Variants in SMAP2 observed in about 807,000 individuals in gnomAD.
SMAP2 encodes the protein small ArfGAP2.
A neutral mutation model predicts 56.4 loss-of-function variants in SMAP2; 25 were observed. The ratio of observed to expected loss-of-function variants is 0.44; its 90% confidence interval spans 0.32 to 0.62. SMAP2 has a LOEUF of 0.62. Among genes scored for constraint, SMAP2 ranks in the 20% least tolerant of loss-of-function variants. SMAP2 has a pLI of 0.04. For synonymous variants in SMAP2, 157 were observed against 181.7 expected (o/e 0.86, Z 1.09); for missense variants, 388 against 545.6 (o/e 0.71, Z 2.88).
Position 40,374,370 on chromosome 1 carries a change from G to A in SMAP2, c.103+147G>A, listed in dbSNP as rs556365612. 5 of 730,192 alleles carry A rather than the reference G, an allele frequency of 6.8e-6. No homozygotes were observed. The Admixed American group carries it at 1.1e-4, about 16-fold the overall frequency. 45.2% of individuals were successfully genotyped at this position (730,192 alleles called of 1,614,324 possible). A position where few individuals can be genotyped will look rare whatever the true frequency, so the allele number is the denominator to read the frequency against. ...GCTGCGCTTGCAGTGAGCCTACTGG[G>A]CTTTCTGCAGCTGGGGGATTGGTAT... On this transcript the variant is annotated intron_variant, in intron 1 of 9. Coordinates refer to ENST00000372718, the MANE Select transcript of SMAP2 (RefSeq NM_022733.3). The surrounding 1 kb of genome is among the most constrained non-coding windows in gnomAD (Gnocchi z 5.9).
chr1:40,358,369 A>C lies in SMAP2; in HGVS notation c.-82-3931A>C, dbSNP rs371494536. 9.2e-5 allele frequency among the ~76,000 whole-genome samples: 14 copies of C among 152,182 alleles called. 1 individual carries two copies. Among genetic ancestry groups the C allele is most frequent in the East Asian group, 5.8e-4 (3 of 5,168 alleles). ...ACCAGCCTGGCCAACGTGGTGAAACACTGTCTCTGCTAAAAATACAAAAAA... is the reference window on the plus strand; with the variant it reads ...ACCAGCCTGGCCAACGTGGTGAAACCCTGTCTCTGCTAAAAATACAAAAAA... On this transcript the variant is annotated intron_variant, in intron 1 of 6. Coordinates refer to the SMAP2 transcript ENST00000435168.
At chr1:40,413,144 A>G (rs1461318073) in intron 5 of SMAP2, 42 bp downstream of exon 5, 5 of 1,470,588 alleles carry the variant, frequency 3.4e-6, no homozygotes, top group East Asian at 2.3e-5. Flanking sequence ...AGCCTCAGGT[A>G]TGTGTATATT....
chr1:40,393,814 G>A (rs1644742201), intron 1 of SMAP2, among the ~76,000 whole-genome samples: 1 of 152,078 alleles, frequency 6.6e-6, no homozygotes, highest in Non-Finnish European at 1.5e-5. Flanking sequence ...CCAAAGTGCT[G>A]GGATTAAGGC....
intron 1 of SMAP2, among the ~76,000 whole-genome samples, chr1:40,354,169 C>T (rs773192707): frequency 6.6e-6 from 1 of 151,976 alleles, no homozygotes; most frequent in East Asian, 1.9e-4. Flanking sequence ...TCTGAACTTA[C>T]AGAGAGCTGG....
At chr1:40,394,807 T>A (rs887343677) in intron 1 of SMAP2, among the ~76,000 whole-genome samples, 2 of 152,196 alleles carry the variant, frequency 1.3e-5, no homozygotes, top group African/African-American at 4.8e-5. Context: ...TTTTGATATA[T>A]GTGTACATTG....
In SMAP2 at chr1:40,408,254, C is replaced by T. The variant is rs934117115; in HGVS notation, c.238-399C>T. On this transcript the variant is annotated intron_variant, in intron 2 of 9. Transcript: ENST00000372718. This position sits in a 1 kb window ranked among gnomAD's most constrained non-coding sequence, Gnocchi z 4.3. ...AGTGTTAAGGAGTCTACTTAAAAGC[C>T]TAATGGGAAACACATTTATTGGAAT... Among the ~76,000 whole-genome samples the T allele has an allele frequency of 6.6e-6, 1 of 152,116 alleles. No individual in the cohort carries two copies. Among genetic ancestry groups the T allele is most frequent in the African/African-American group, 2.4e-5 (1 of 41,408 alleles).
At chr1:40,403,884 A>C (rs553917717) in intron 1 of SMAP2, 4 of 153,698 alleles carry the variant, frequency 2.6e-5, no homozygotes, top group African/African-American at 9.6e-5. Flanking sequence ...GGATTCCTTG[A>C]GGCCAGGAGT....
At chr1:40,410,324 C>T (rs578036614) in intron 4 of SMAP2, among the ~76,000 whole-genome samples, 6 of 151,878 alleles carry the variant, frequency 4.0e-5, no homozygotes, top group African/African-American at 7.3e-5. Flanking sequence ...TTCTGCCTAT[C>T]GGTGAATTCT....
chr1:40,359,344 C>T (rs1401827209), intron 1 of SMAP2, among the ~76,000 whole-genome samples: 2 of 152,194 alleles, frequency 1.3e-5, no homozygotes, highest in South Asian at 2.1e-4. Context: ...CTCAGGTGAC[C>T]CACCCACCTT....
At chr1:40,347,853 A>ATG (rs376374856) in intron 1 of SMAP2, among the ~76,000 whole-genome samples, 31 of 151,530 alleles carry the variant, frequency 2.0e-4, no homozygotes, top group East Asian at 1.2e-3. Flanking sequence ...CATACATTAA[A>ATG]TGTGTGTGTG....
chr1:40,366,036 C>G (rs958346635), intron 2 of SMAP2, among the ~76,000 whole-genome samples: 1 of 146,874 alleles, frequency 6.8e-6, no homozygotes, highest in Non-Finnish European at 1.5e-5. Context: ...AACCAAGGCT[C>G]GAGAACTACG....
intron 1 of SMAP2, among the ~76,000 whole-genome samples, chr1:40,387,720 G>A (rs955859751): frequency 2.6e-5 from 4 of 152,170 alleles, no homozygotes; most frequent in Non-Finnish European, 4.4e-5. Flanking sequence ...GCTCGCTCTC[G>A]GTGCCTCCTC....
intron 9 of SMAP2, 94 bp downstream of exon 9, chr1:40,417,190 A>ATG (rs1234518118): frequency 9.7e-6 from 8 of 826,000 alleles, no homozygotes; most frequent in African/African-American, 1.8e-5. Flanking sequence ...AATCCTTTCC[A>ATG]TGTAGATGAG....
At chr1:40,405,684 A>G (rs1644878822) in intron 1 of SMAP2, among the ~76,000 whole-genome samples, 2 of 152,154 alleles carry the variant, frequency 1.3e-5, no homozygotes, top group Admixed American at 6.5e-5. Context: ...AATTTCTGCC[A>G]AGTGGGATAA....
chr1:40,393,945 C>T (rs1173898011), intron 1 of SMAP2, among the ~76,000 whole-genome samples: 1 of 152,124 alleles, frequency 6.6e-6, no homozygotes, highest in African/African-American at 2.4e-5. Context: ...TTCTGATTCA[C>T]CCTTTTTTCC....
intron 2 of SMAP2, among the ~76,000 whole-genome samples, chr1:40,407,317 C>T (rs577091029): frequency 3.9e-5 from 6 of 152,124 alleles, no homozygotes; most frequent in Admixed American, 2.0e-4. Context: ...AGACACCTGT[C>T]TCTACAAAAT....
rs566017456 is a variant in SMAP2 at position 40,422,050 on chromosome 1, C to T, written c.1239C>T (p.Gly413=). The T allele has an allele frequency of 2.0e-5, 32 of 1,614,066 alleles. No homozygotes were observed. In the African/African-American group the frequency reaches 2.1e-4, roughly 11 times the overall value. ...TGAACTATGGACAGTCAATGAGTGG[C>T]GGAAATGGACAGGCAGCAAATCAGA... The part of the protein sequence containing the change: ...GMMNYGQSMS[G]GNGQAANQTL... Residue 413 remains glycine (G), a synonymous_variant, in exon 10 of 10, where the codon GGC becomes GGT. Coordinates refer to ENST00000372718, the MANE Select transcript of SMAP2 (RefSeq NM_022733.3).
chr1:40,362,338 A>G (rs1569824766), exon 2 of SMAP2: 1 of 152,342 alleles, frequency 6.6e-6, no homozygotes, highest in African/African-American at 2.4e-5. Flanking sequence ...CATCTATCAA[A>G]GTTGTCTCTT....
At chr1:40,351,630 A>G (rs1467083292) in intron 1 of SMAP2, among the ~76,000 whole-genome samples, 1 of 151,928 alleles carries the variant, frequency 6.6e-6, no homozygotes, top group African/African-American at 2.4e-5. Context: ...CAGCCTCCGG[A>G]GTAGCTGGGA....
Sources: gnomAD v4.1 joint callset for allele counts (sites outside exome capture counted in the v4.1 genomes callset) on GRCh38, gnomAD v4.1.1 for gene constraint, Gnocchi (gnomAD v3.1) non-coding constraint, MANE v1.5 for transcripts, NCBI Gene and HGNC (gene_info 2026-07-23, HGNC 2026-07-21) for gene names.